Variants in TSPAN18 observed in about 807,000 individuals in gnomAD.
TSPAN18 encodes the protein tetraspanin-18.
A neutral mutation model predicts 27.3 loss-of-function variants in TSPAN18; 14 were observed. That is an observed-to-expected ratio of 0.51 (90% confidence interval 0.34 to 0.80). The LOEUF is 0.80. Ranked by LOEUF, TSPAN18 falls within the 30% of genes least tolerant of loss-of-function variation. The probability of loss-of-function intolerance (pLI) is 0.01; values close to 1 mark genes in which losing one functional copy is unlikely to be tolerated. For missense variants in TSPAN18, 268 were observed against 323.9 expected (o/e 0.83, Z 1.32); for synonymous variants, 143 against 136.5 (o/e 1.05, Z -0.33).
At chr11:44,826,145 G>A (rs1003371329) in intron 2 of TSPAN18, among the ~76,000 whole-genome samples, 1 of 152,348 alleles carries the variant, frequency 6.6e-6, no homozygotes, top group Admixed American at 6.5e-5. Flanking sequence ...AAGAAGGGCC[G>A]GACGTGGTGG....
At chr11:44,746,247 C>T (rs76146798) in intron 1 of TSPAN18, among the ~76,000 whole-genome samples, 2,401 of 152,242 alleles carry the variant, frequency 0.016, 68 homozygotes, top group African/African-American at 0.055. Context: ...AGACCCAAGA[C>T]AAATGCTTCT....
intron 2 of TSPAN18, among the ~76,000 whole-genome samples, chr11:44,830,968 C>T (rs1412884204): frequency 2.0e-5 from 3 of 152,142 alleles, no homozygotes; most frequent in African/African-American, 4.8e-5. Context: ...ACTGTGCCGG[C>T]CGGGCACAAT....
intron 2 of TSPAN18, among the ~76,000 whole-genome samples, chr11:44,851,999 C>T (rs1857617734): frequency 1.3e-5 from 2 of 152,130 alleles, no homozygotes; most frequent in Non-Finnish European, 2.9e-5. Context: ...ATTTCTGTGC[C>T]CTCCCCCAAT....
At chr11:44,846,427 G>A (rs949241077) in intron 2 of TSPAN18, among the ~76,000 whole-genome samples, 1 of 152,262 alleles carries the variant, frequency 6.6e-6, no homozygotes, top group Non-Finnish European at 1.5e-5. Context: ...GCGCTTGGCA[G>A]GGGCCTGCCT....
chr11:44,918,494 C>T (rs1421882392), intron 6 of TSPAN18, among the ~76,000 whole-genome samples: 1 of 151,874 alleles, frequency 6.6e-6, no homozygotes, highest in Non-Finnish European at 1.5e-5. Context: ...CCAGCTGCCT[C>T]CCCTGAGTTG....
At chr11:44,899,514 C>T (rs1442698347) in intron 3 of TSPAN18, among the ~76,000 whole-genome samples, 1 of 152,258 alleles carries the variant, frequency 6.6e-6, no homozygotes, top group African/African-American at 2.4e-5. Flanking sequence ...GTCCTCCCCT[C>T]TCCTGAGGCT....
intron 2 of TSPAN18, among the ~76,000 whole-genome samples, chr11:44,779,103 G>A (rs1590454020): frequency 6.6e-6 from 1 of 152,112 alleles, no homozygotes; most frequent in African/African-American, 2.4e-5. Context: ...TGTCCTGGGA[G>A]CCTGCCCCAG....
intron 8 of TSPAN18, among the ~76,000 whole-genome samples, chr11:44,925,979 C>T (rs893546336): frequency 3.3e-5 from 5 of 152,048 alleles, no homozygotes; most frequent in Admixed American, 1.3e-4. Flanking sequence ...ATCTCGATCT[C>T]GATCTCTGTC....
At chr11:44,866,700 C>T (rs928718031) in intron 3 of TSPAN18, among the ~76,000 whole-genome samples, 4 of 152,188 alleles carry the variant, frequency 2.6e-5, no homozygotes, top group Admixed American at 6.5e-5. Flanking sequence ...TCTCCAGAAA[C>T]ACTCTCCACC....
At chr11:44,820,217 C>T (rs932216790) in intron 2 of TSPAN18, among the ~76,000 whole-genome samples, 2 of 152,248 alleles carry the variant, frequency 1.3e-5, no homozygotes, top group African/African-American at 4.8e-5. Context: ...GCCACACATT[C>T]TCATGGGTTT....
chr11:44,765,724 T>C (rs760802856), intron 2 of TSPAN18, among the ~76,000 whole-genome samples: 9 of 152,224 alleles, frequency 5.9e-5, no homozygotes, highest in Admixed American at 6.5e-5. Flanking sequence ...CTTACTTCAG[T>C]CTGTGACTTG....
At chr11:44,740,773 A>G (rs1854914428) in intron 1 of TSPAN18, among the ~76,000 whole-genome samples, 1 of 152,094 alleles carries the variant, frequency 6.6e-6, no homozygotes, top group Non-Finnish European at 1.5e-5. Flanking sequence ...GGTTCTAACA[A>G]ACTCTCATGT....
At chr11:44,876,460 G>A (rs1334918917) in intron 3 of TSPAN18, among the ~76,000 whole-genome samples, 1 of 152,218 alleles carries the variant, frequency 6.6e-6, no homozygotes, top group Non-Finnish European at 1.5e-5. Context: ...AAAGGCATTG[G>A]AAGTAAACAG....
At chr11:44,756,919 T>C (rs763601967) in intron 1 of TSPAN18, among the ~76,000 whole-genome samples, 1 of 152,254 alleles carries the variant, frequency 6.6e-6, no homozygotes, top group Non-Finnish European at 1.5e-5. Flanking sequence ...CTTTTCCTAC[T>C]GTCTTGTTCC....
intron 2 of TSPAN18, among the ~76,000 whole-genome samples, chr11:44,773,626 G>A (rs564682610): frequency 6.6e-6 from 1 of 152,180 alleles, no homozygotes; most frequent in African/African-American, 2.4e-5. Context: ...TGGAAGGACG[G>A]CTTCCACTGC....
chr11:44,794,248 G>C (rs1856295649), intron 2 of TSPAN18, among the ~76,000 whole-genome samples: 1 of 152,198 alleles, frequency 6.6e-6, no homozygotes, highest in Non-Finnish European at 1.5e-5. Context: ...CCCCTACCAA[G>C]TGTTTCCTGG....
intron 1 of TSPAN18, among the ~76,000 whole-genome samples, chr11:44,752,090 A>G (rs1237200947): frequency 1.3e-5 from 2 of 152,198 alleles, no homozygotes; most frequent in Admixed American, 6.5e-5. Context: ...CTAGGCCCCA[A>G]CACACCAACC....
intron 1 of TSPAN18, among the ~76,000 whole-genome samples, chr11:44,743,202 TG>T (rs1854987900): frequency 6.6e-6 from 1 of 152,118 alleles, no homozygotes; most frequent in Non-Finnish European, 1.5e-5. Context: ...TGCACTCAGA[TG>T]GGTTCTGTCA....
intron 2 of TSPAN18, among the ~76,000 whole-genome samples, chr11:44,792,320 G>A (rs1209409557): frequency 1.3e-5 from 2 of 152,216 alleles, no homozygotes; most frequent in Non-Finnish European, 2.9e-5. Flanking sequence ...TGCGGGGACA[G>A]TCGCAGGCAG....
Sources: allele counts gnomAD v4.1 joint callset (sites outside exome capture counted in the v4.1 genomes callset), GRCh38; gene constraint gnomAD v4.1.1; transcripts MANE v1.5; gene names NCBI Gene and HGNC (gene_info 2026-07-23, HGNC 2026-07-21).